TPRX1: variants seen among roughly 807,000 people sequenced by gnomAD.
The protein encoded by TPRX1 is tetra-peptide repeat homeobox protein 1.
A neutral mutation model predicts 8.1 loss-of-function variants in TPRX1; 2 were observed. That is an observed-to-expected ratio of 0.25 (90% CI 0.10 to 0.78). The LOEUF (loss-of-function observed/expected upper bound fraction) is 0.78, where lower values mean the gene tolerates loss of function less well. TPRX1 is among the 30% of genes least tolerant of loss of function. The pLI is 0.70. For synonymous variants in TPRX1, 257 were observed against 254.1 expected (o/e 1.01, Z -0.11); for missense variants, 517 against 586.9 (o/e 0.88, Z 1.23).
At chr19:47,817,999 T>C (rs1253172332) in intron 2 of TPRX1, among the ~76,000 whole-genome samples, 2 of 152,224 alleles carry the variant, frequency 1.3e-5, no homozygotes, top group Non-Finnish European at 2.9e-5. Context: ...CAGGGATTCA[T>C]GGCACAGTTA....
chr19:47,802,468 G>A, exon 4 of TPRX1: 1 of 1,542,276 alleles, frequency 6.5e-7, no homozygotes, highest in African/African-American at 1.4e-5. Context: ...CTGGGTTTGG[G>A]CCTGGGATCG....
Position 47,818,274 on chromosome 19 carries a change from T to TCAC in TPRX1, c.151+193_151+194insGTG, listed in dbSNP as rs1967864285. Among the ~76,000 whole-genome samples, 12 of 129,308 alleles carry TCAC rather than the reference T, an allele frequency of 9.3e-5. No homozygotes were observed. The South Asian group carries it at 1.8e-3, about 20-fold the overall frequency. 84.8% of individuals were successfully genotyped at this position (129,308 alleles called of 152,430 possible). A position where few individuals can be genotyped will look rare whatever the true frequency, so the allele number is the denominator to read the frequency against. On this transcript the variant is annotated intron_variant, in intron 2 of 3. Coordinates refer to ENST00000535759, the Ensembl canonical transcript of TPRX1. ...ATCCATCCATCCATCCATCCATCCA[T>TCAC]CCATCACCCATCCATCCATCCATCC...
At chr19:47,805,213 T>C (rs1224063484) in intron 2 of TPRX1, among the ~76,000 whole-genome samples, 1 of 152,192 alleles carries the variant, frequency 6.6e-6, no homozygotes, top group Non-Finnish European at 1.5e-5. Context: ...TAGACCTCTG[T>C]TGGTTTCTCC....
intron 2 of TPRX1, among the ~76,000 whole-genome samples, chr19:47,805,101 C>T (rs553837432): frequency 6.6e-6 from 1 of 152,308 alleles, no homozygotes; most frequent in South Asian, 2.1e-4. Context: ...CCCTAGGTGC[C>T]TATAGGTGTA....
chr19:47,814,156 A>G (rs879308820), intron 2 of TPRX1, among the ~76,000 whole-genome samples: 1 of 151,604 alleles, frequency 6.6e-6, no homozygotes, highest in Non-Finnish European at 1.5e-5. Flanking sequence ...TCCTGGGTTC[A>G]AAGGATTCTC....
rs1191701282 is a variant in TPRX1 at position 47,815,135 on chromosome 19, TATATATATGCAAATATATA to T, written c.151+3314_151+3332del. ...TAAATTATATATATATATATATATA[TATATATATGCAAATATATA>T]TATATATATTTTTTTTTTTTGAGAC... On this transcript the variant is annotated intron_variant, in intron 2 of 3. Transcript: ENST00000535759. Among the ~76,000 whole-genome samples the T allele has an allele frequency of 4.0e-3, 456 of 114,096 alleles. 6 individuals are homozygous for T. Among genetic ancestry groups the T allele is most frequent in the African/African-American group, 0.015 (428 of 29,358 alleles). 74.9% of individuals were successfully genotyped at this position (114,096 alleles called of 152,430 possible). A position where few individuals can be genotyped will look rare whatever the true frequency, so the allele number is the denominator to read the frequency against.
At chr19:47,811,888 C>T (rs146903122) in intron 2 of TPRX1, among the ~76,000 whole-genome samples, 4,045 of 151,604 alleles carry the variant, frequency 0.027, 188 homozygotes, top group African/African-American at 0.09. Flanking sequence ...TTTTTTGAGA[C>T]GGAGTTTCGC....
In TPRX1 at chr19:47,802,974, A is replaced by T. The variant is rs748882945; in HGVS notation, c.328T>A (p.Phe110Ile). 1.9e-4 allele frequency: 294 copies of T among 1,550,384 alleles called. No individual in the cohort carries two copies. The highest frequency in any genetic ancestry group is 2.4e-4 in the Non-Finnish European group (281 of 1,156,820). ...GCTAGTTTGGCGCGGCGATTCTTGAACCACACCTGGGGGGCAGAGGGGACA... is the reference window on the plus strand; with the variant it reads ...GCTAGTTTGGCGCGGCGATTCTTGATCCACACCTGGGGGGCAGAGGGGACA... Residue 110 changes from phenylalanine (F) to isoleucine (I), a missense_variant, in exon 4 of 4, where the codon TTC becomes ATC. Coordinates refer to ENST00000535759, the Ensembl canonical transcript of TPRX1.
At chr19:47,815,497 TA>T (rs1967831650) in intron 2 of TPRX1, among the ~76,000 whole-genome samples, 1 of 150,026 alleles carries the variant, frequency 6.7e-6, no homozygotes, top group African/African-American at 2.4e-5. Flanking sequence ...AAAGTGTTTT[TA>T]AAATTCCACG....
At chr19:47,804,660 C>T (rs1263857539) in intron 2 of TPRX1, among the ~76,000 whole-genome samples, 109 bp from the exon 1 acceptor site, 2 of 152,068 alleles carry the variant, frequency 1.3e-5, no homozygotes, top group Non-Finnish European at 2.9e-5. Flanking sequence ...CCCACCCTGC[C>T]CTGCAGTCCC....
At chr19:47,811,690 G>T (rs1381139016) in intron 2 of TPRX1, among the ~76,000 whole-genome samples, 2 of 151,152 alleles carry the variant, frequency 1.3e-5, no homozygotes, top group African/African-American at 4.9e-5. Context: ...GTAGAGATGG[G>T]GTTTCACCAT....
exon 4 of TPRX1, chr19:47,802,132 C>A (rs373591593): frequency 1.3e-6 from 2 of 1,584,354 alleles, no homozygotes; most frequent in Middle Eastern, 1.7e-4. Context: ...CAGGGCTTCG[C>A]ATCCGGCCAG....
chr19:47,802,641 G>C, exon 4 of TPRX1: 1 of 1,553,154 alleles, frequency 6.4e-7, no homozygotes. Flanking sequence ...ATCTGAGCTG[G>C]GCCTGGAATT....
chr19:47,802,011 A>C lies in TPRX1; in HGVS notation c.1291T>G (p.Trp431Gly), dbSNP rs774188468. 5.6e-6 allele frequency: 9 copies of C among 1,612,744 alleles called. No homozygotes were observed. Among genetic ancestry groups the C allele is most frequent in the African/African-American group, 1.3e-5 (1 of 74,926 alleles). Residue 431 changes from tryptophan (W) to glycine (G), a missense_variant, in exon 4 of 4, where the codon TGG becomes GGG. Trp to Gly is a radical substitution (Grantham distance 184). This residue lies in a region of TPRX1 where 506 missense variants were observed against 515.5 expected (regional missense o/e 0.98). Coordinates refer to ENST00000535759, the Ensembl canonical transcript of TPRX1. ...TCGGAGGCATCGGGGCTCTGAGGCC[A>C]TAAGGGGGCTGGGGCTGGGAGTGAT...
chr19:47,816,027 G>A (rs141329103), intron 2 of TPRX1, among the ~76,000 whole-genome samples: 1,532 of 151,900 alleles, frequency 0.01, 36 homozygotes, highest in Middle Eastern at 0.068. Flanking sequence ...AGGCAAACAC[G>A]GCTGACCCAA....
intron 2 of TPRX1, among the ~76,000 whole-genome samples, chr19:47,812,862 T>C (rs1265958478): frequency 6.6e-6 from 1 of 151,498 alleles, no homozygotes; most frequent in Non-Finnish European, 1.5e-5. Context: ...TCCTAGCGCT[T>C]TGGGAGGCCG....
chr19:47,802,403 A>T lies in TPRX1; in HGVS notation c.899T>A (p.Ile300Asn), dbSNP rs200115895. ...GATTGGGCCTGGGATCGGGCCTGGG[A>T]TCGGGACTGAGATTGGGCCTGGGAT... The change falls in exon 4 of 4, where the codon ATC (isoleucine) becomes AAC (asparagine). Residue 300 changes from isoleucine to asparagine, a missense_variant. Physicochemically the swap from Ile to Asn is moderately radical, Grantham distance 149. Transcript: ENST00000535759. 5 of 1,262,660 alleles carry T rather than the reference A, an allele frequency of 4.0e-6. No individual in the cohort carries two copies. The East Asian group carries it at 8.9e-5, about 23-fold the overall frequency. The allele number at this position is 1,262,660 out of a possible 1,614,324, so 78.2% of individuals were successfully genotyped here.
At chr19:47,813,896 G>A (rs1967807755) in intron 2 of TPRX1, among the ~76,000 whole-genome samples, 1 of 150,618 alleles carries the variant, frequency 6.6e-6, no homozygotes, top group Admixed American at 6.7e-5. Flanking sequence ...GGCCACCAGG[G>A]GGCGGCAGAG....
At chr19:47,818,205 C>G (rs1437343070) in intron 2 of TPRX1, among the ~76,000 whole-genome samples, 2 of 151,734 alleles carry the variant, frequency 1.3e-5, no homozygotes, top group Non-Finnish European at 2.9e-5. Flanking sequence ...ATCCATCCAT[C>G]CATCACCCAT....
Sources: allele counts gnomAD v4.1 joint callset (sites outside exome capture counted in the v4.1 genomes callset), GRCh38; gene constraint gnomAD v4.1.1; regional missense constraint gnomAD v4.1.1; transcripts MANE v1.5; gene names NCBI Gene and HGNC (gene_info 2026-07-23, HGNC 2026-07-21).